COX5A: variants seen among roughly 807,000 people sequenced by gnomAD.
The protein encoded by COX5A is cytochrome c oxidase subunit 5A.
In COX5A, 6 loss-of-function variants were observed where a neutral mutation model predicts 16.1. The ratio of observed to expected loss-of-function variants is 0.37; its 90% CI spans 0.20 to 0.73. The LOEUF (loss-of-function observed/expected upper bound fraction) is 0.73, where lower values mean the gene tolerates loss of function less well. Among genes scored for constraint, COX5A ranks in the 30% least tolerant of loss-of-function variants. The pLI is 0.50. For missense variants in COX5A, 159 were observed against 194.9 expected (o/e 0.82, Z 1.10); for synonymous variants, 73 against 73.8 (o/e 0.99, Z 0.06).
rs1344620422 is a variant in COX5A, at chr15:74,920,364, G to A, written c.*88C>T. The A allele has an allele frequency of 7.2e-6, 5 of 691,604 alleles. No individual in the cohort carries two copies. The African/African-American group carries it at 8.8e-5, about 12-fold the overall frequency. The allele number at this position is 691,604 out of a possible 1,614,324, so 42.8% of individuals were successfully genotyped here. A position where few individuals can be genotyped will look rare whatever the true frequency, so the allele number is the denominator to read the frequency against. ...ATAAAGGAAAACTTGTTCAAATAAG[G>A]TAATATGTTATCATCAGTATTTCCA... On this transcript the variant is annotated 3_prime_UTR_variant, in exon 5 of 5. Coordinates refer to ENST00000322347, the MANE Select transcript of COX5A (RefSeq NM_004255.4).
At position 74,920,406 on chromosome 15, in the gene COX5A, C is replaced by T; in HGVS notation, c.*46G>A. On this transcript the variant is annotated 3_prime_UTR_variant, in exon 5 of 5. Coordinates refer to ENST00000322347, the MANE Select transcript of COX5A (RefSeq NM_004255.4). ...GTATTTCCAGGTAACTGTTCACACT[C>T]AAGTAGCAATGTCAATAAATCCTTG... 1.4e-6 allele frequency: 1 copy of T among 697,160 alleles called. No individual in the cohort carries two copies. The highest frequency in any genetic ancestry group is 2.6e-6 in the Non-Finnish European group (1 of 383,194). 43.2% of individuals were successfully genotyped at this position (697,160 alleles called of 1,614,324 possible).
intron 2 of COX5A, among the ~76,000 whole-genome samples, chr15:74,927,400 C>T (rs2065349172): frequency 1.3e-5 from 2 of 152,060 alleles, no homozygotes; most frequent in African/African-American, 4.8e-5. Flanking sequence ...TGGCCTTGAA[C>T]TCCTGACCTC....
At chr15:74,931,316 C>T (rs2065366246) in intron 1 of COX5A, among the ~76,000 whole-genome samples, 1 of 151,880 alleles carries the variant, frequency 6.6e-6, no homozygotes, top group South Asian at 2.1e-4. Flanking sequence ...GCCTGATCAA[C>T]ATTGTGAAAC....
intron 1 of COX5A, among the ~76,000 whole-genome samples, chr15:74,930,473 A>AC (rs1206825003): frequency 9.6e-4 from 144 of 149,916 alleles, no homozygotes; most frequent in South Asian, 2.5e-3. Flanking sequence ...AAAAGCAACA[A>AC]AAAAAAAAAA....
chr15:74,931,419 C>T (rs1187873245), intron 1 of COX5A, among the ~76,000 whole-genome samples: 12 of 150,826 alleles, frequency 8.0e-5, no homozygotes, highest in African/African-American at 2.4e-4. Context: ...GAGAATCACT[C>T]GAACCCAGGA....
At chr15:74,926,507 A>T (rs1173831261) in intron 3 of COX5A, among the ~76,000 whole-genome samples, 2 of 151,860 alleles carry the variant, frequency 1.3e-5, no homozygotes, top group Non-Finnish European at 2.9e-5. Flanking sequence ...AAGAAAAAAA[A>T]AAAAGAGAGA....
chr15:74,937,627 C>T (rs1223448145), intron 1 of COX5A: 20 of 256,832 alleles, frequency 7.8e-5, no homozygotes, highest in African/African-American at 4.5e-4. Context: ...GGTCATGGCC[C>T]GGGAACCGAA....
In COX5A at chr15:74,923,691, G is replaced by A. The variant is rs755102623; in HGVS notation, c.419C>T (p.Ser140Phe). The A allele has an allele frequency of 1.2e-6, 2 of 1,611,642 alleles. No homozygotes were observed. The highest frequency in any genetic ancestry group is 3.3e-5 in the Admixed American group (2 of 59,998). ...GTCAAGGCCCAGTTCCTCCGGAGTG[G>A]AGATTCCCAGTTCATTTAAAGTTGG... The part of the protein sequence containing the change: ...LRPTLNELGI[S>F]TPEELGLDKV Residue 140 changes from serine (S) to phenylalanine (F), a missense_variant, in exon 4 of 5, where the codon TCC becomes TTC. Coordinates refer to ENST00000322347, the MANE Select transcript of COX5A (RefSeq NM_004255.4).
At chr15:74,936,931 GTTCT>G (rs2065393438) in intron 1 of COX5A, among the ~76,000 whole-genome samples, 1 of 152,048 alleles carries the variant, frequency 6.6e-6, no homozygotes. Context: ...GCCCGGCTGA[GTTCT>G]TTTTTTAATT....
At chr15:74,924,413 T>C (rs1040977587) in intron 3 of COX5A, among the ~76,000 whole-genome samples, 10 of 151,968 alleles carry the variant, frequency 6.6e-5, no homozygotes, top group African/African-American at 2.4e-4. Context: ...GGCACGCCCC[T>C]GTAATCCCAG....
chr15:74,925,363 T>G (rs565913410), intron 3 of COX5A, among the ~76,000 whole-genome samples: 3 of 152,184 alleles, frequency 2.0e-5, no homozygotes, highest in African/African-American at 7.2e-5. Flanking sequence ...AATTAGTATA[T>G]ATCCTCCTAT....
intron 1 of COX5A, among the ~76,000 whole-genome samples, chr15:74,936,216 A>C (rs971448760): frequency 6.6e-6 from 1 of 152,108 alleles, no homozygotes; most frequent in African/African-American, 2.4e-5. Context: ...GCTTGAGCCA[A>C]GACCGTGCTA....
intron 2 of COX5A, among the ~76,000 whole-genome samples, chr15:74,927,330 C>G (rs1000762032): frequency 6.6e-6 from 1 of 152,120 alleles, no homozygotes; most frequent in South Asian, 2.1e-4. Context: ...GCGGGTGCCA[C>G]CAAGCCCAGC....
Position 74,937,934 on chromosome 15 carries a change from C to G in COX5A, c.81G>C (p.Arg27=). ...ADPRGLLHSA[R]TPGPAVAIQS... is the part of the protein sequence containing the mutation. ...CCTTACCCACGGCGGGGCCGGGGGTCCGGGCGGAGTGCAGGAGGCCTCGAG... is the reference window on the plus strand; with the variant it reads ...CCTTACCCACGGCGGGGCCGGGGGTGCGGGCGGAGTGCAGGAGGCCTCGAG... Residue 27 remains arginine (R), a synonymous_variant, in exon 1 of 5, where the codon CGG becomes CGC. Coordinates refer to ENST00000322347, the MANE Select transcript of COX5A (RefSeq NM_004255.4). 8.1e-7 allele frequency: 1 copy of G among 1,232,136 alleles called. No individual in the cohort carries two copies. Among genetic ancestry groups the G allele is most frequent in the East Asian group, 3.2e-5 (1 of 31,634 alleles). 76.3% of individuals were successfully genotyped at this position (1,232,136 alleles called of 1,614,324 possible).
At position 74,922,411 on chromosome 15, in the gene COX5A, T is replaced by C. The variant is rs544281836; in HGVS notation, c.*9+1237A>G. Among the ~76,000 whole-genome samples, 36 of 151,746 alleles carry C rather than the reference T, an allele frequency of 2.4e-4. No individual in the cohort carries two copies. The South Asian group carries it at 7.3e-3, about 31-fold the overall frequency. ...AAAAAAAAAAAAAAAATCTTAAAAG[T>C]AGATTACAAAGTTTTCAGCATTTTC... On this transcript the variant is annotated intron_variant, in intron 4 of 4. Coordinates refer to ENST00000322347, the MANE Select transcript of COX5A (RefSeq NM_004255.4).
chr15:74,935,442 G>A (rs531060994), intron 1 of COX5A, among the ~76,000 whole-genome samples: 8 of 151,848 alleles, frequency 5.3e-5, no homozygotes, highest in Admixed American at 2.6e-4. Context: ...AGACCAGCCT[G>A]TTTCTACGGA....
chr15:74,932,736 G>A (rs554513753), intron 1 of COX5A, among the ~76,000 whole-genome samples: 7 of 148,976 alleles, frequency 4.7e-5, no homozygotes, highest in African/African-American at 9.9e-5. Context: ...TCACCCTGTC[G>A]CCCAGGCTGG....
chr15:74,933,567 C>CA lies in COX5A; in HGVS notation c.101-4336dup, dbSNP rs1232967459. Among the ~76,000 whole-genome samples the CA allele has an allele frequency of 9.2e-5, 14 of 151,878 alleles. No individual in the cohort carries two copies. The South Asian group carries it at 2.5e-3, about 27-fold the overall frequency. On this transcript the variant is annotated intron_variant, in intron 1 of 4. Transcript: ENST00000322347. ...TCGGAGACAGAGTGAGACCCTGTCT[C>CA]AAAAAAGAAAAAATTATAAGCCACC... is the stretch of plus-strand genomic sequence containing the variant.
At chr15:74,935,268 T>G (rs2065383837) in intron 1 of COX5A, among the ~76,000 whole-genome samples, 1 of 150,950 alleles carries the variant, frequency 6.6e-6, no homozygotes, top group Non-Finnish European at 1.5e-5. Flanking sequence ...GCAGCCTGCA[T>G]GACAGAGCGA....
Sources: allele counts gnomAD v4.1 joint callset (sites outside exome capture counted in the v4.1 genomes callset), GRCh38; gene constraint gnomAD v4.1.1; transcripts MANE v1.5; gene names NCBI Gene and HGNC (gene_info 2026-07-23, HGNC 2026-07-21).